Variants in SGPP2 observed in about 807,000 individuals in gnomAD.
The protein encoded by SGPP2 is sphingosine-1-phosphate phosphatase 2.
In SGPP2, 30 loss-of-function variants were observed where a neutral mutation model predicts 33.9. That is an observed-to-expected ratio of 0.89 (90% CI 0.66 to 1.20). The LOEUF (loss-of-function observed/expected upper bound fraction) is 1.20, where lower values mean the gene tolerates loss of function less well. Ranked by LOEUF, SGPP2 falls within the 50% of genes most tolerant of loss-of-function variation. The probability of loss-of-function intolerance (pLI) is 0.00; values close to 1 mark genes in which losing one functional copy is unlikely to be tolerated. For synonymous variants in SGPP2, 233 were observed against 225.0 expected, an observed-to-expected ratio of 1.04 and a Z score of -0.32; for missense variants, 458 against 532.1, an observed-to-expected ratio of 0.86 and a Z score of 1.37.
intron 2 of SGPP2, among the ~76,000 whole-genome samples, chr2:222,474,988 TC>T (rs1173788285): frequency 2.0e-5 from 3 of 152,168 alleles, no homozygotes; most frequent in Admixed American, 2.0e-4. Flanking sequence ...TTTGCAGAAT[TC>T]AGGACTCTCC....
chr2:222,556,221 C>T (rs565933513), intron 4 of SGPP2, among the ~76,000 whole-genome samples: 19 of 152,152 alleles, frequency 1.2e-4, no homozygotes, highest in African/African-American at 4.6e-4. Context: ...TTTTGGTAAC[C>T]AAGAAGCCTA....
chr2:222,436,831 A>G (rs1048766434), intron 1 of SGPP2, among the ~76,000 whole-genome samples: 3 of 152,144 alleles, frequency 2.0e-5, no homozygotes, highest in African/African-American at 7.2e-5. Flanking sequence ...TAGCCGGCTG[A>G]TCACCCAACG....
At chr2:222,483,423 G>A (rs10173467) in intron 2 of SGPP2, among the ~76,000 whole-genome samples, 9,362 of 152,072 alleles carry the variant, frequency 0.062, 381 homozygotes, top group East Asian at 0.15. Context: ...ATGTTAAAGA[G>A]CTCAAGTTTA....
intron 1 of SGPP2, chr2:222,452,493 G>A (rs12613007): frequency 0.31 from 272,501 of 870,974 alleles, 45,515 homozygotes; most frequent in Admixed American, 0.53. Context: ...GCTTTATTAC[G>A]TTATGGCTTT....
intron 4 of SGPP2, among the ~76,000 whole-genome samples, chr2:222,534,195 A>T (rs527743288): frequency 6.6e-6 from 1 of 152,220 alleles, no homozygotes; most frequent in African/African-American, 2.4e-5. Context: ...TCATCATACT[A>T]TATTTATGAT....
At chr2:222,486,494 A>G (rs1310425682) in intron 2 of SGPP2, among the ~76,000 whole-genome samples, 1 of 152,238 alleles carries the variant, frequency 6.6e-6, no homozygotes, top group Non-Finnish European at 1.5e-5. Flanking sequence ...CATGAGCCAC[A>G]TGTGGCTGTG....
At chr2:222,444,681 A>C (rs1697373777) in intron 1 of SGPP2, among the ~76,000 whole-genome samples, 1 of 152,192 alleles carries the variant, frequency 6.6e-6, no homozygotes, top group African/African-American at 2.4e-5. Context: ...CCATAAGAAA[A>C]CACCAAACCA....
In SGPP2 at chr2:222,477,089, GTGAA is replaced by G. The variant is rs936398535; in HGVS notation, c.378+2366_378+2369del. ...TGTGTTTATAGATATGTATATATTT[GTGAA>G]TGTATGTATATAGGTGTGTATATAT... On this transcript the variant is annotated intron_variant, in intron 2 of 4. Coordinates refer to ENST00000321276, the MANE Select transcript of SGPP2 (RefSeq NM_152386.4). The surrounding 1 kb of genome is among the most constrained non-coding windows in gnomAD (Gnocchi z 6.0). Among the ~76,000 whole-genome samples, 7 of 147,428 alleles carry G rather than the reference GTGAA, an allele frequency of 4.7e-5. No homozygotes were observed. Among genetic ancestry groups the G allele is most frequent in the African/African-American group, 1.6e-4 (6 of 37,524 alleles).
At chr2:222,536,151 A>T (rs979821613) in intron 4 of SGPP2, among the ~76,000 whole-genome samples, 1 of 152,046 alleles carries the variant, frequency 6.6e-6, no homozygotes, top group African/African-American at 2.4e-5. Flanking sequence ...TGCCTTTTGG[A>T]TTATATAGTG....
At position 222,558,370 on chromosome 2, in the gene SGPP2, C is replaced by G. The variant is rs1406207034; in HGVS notation, c.672C>G (p.Ile224Met). Residue 224 changes from isoleucine to methionine, a missense_variant, in exon 5 of 5, where the codon ATC becomes ATG. Physicochemically the swap from Ile to Met is conservative, Grantham distance 10. Transcript: ENST00000321276. The stretch of plus-strand genomic sequence containing the variant: ...AGGATGTGCTGGGTGGCGTCCTGAT[C>G]ACCGCACTCCTCATCGTCCTCACCT... ...TVLDVLGGVL[I>M]TALLIVLTYP... 2 of 1,614,016 alleles carry G rather than the reference C, an allele frequency of 1.2e-6. No homozygotes were observed. Among genetic ancestry groups the G allele is most frequent in the African/African-American group, 1.3e-5 (1 of 74,912 alleles).
Position 222,558,565 on chromosome 2 carries a change from A to G in SGPP2, c.867A>G (p.Ile289Met), listed in dbSNP as rs752447677. Reference sequence around the variant, plus strand: ...TGGCTGCCGGGGCTGGAGTGACCATAGGATTCTGGATCAACCATTTCTTCC... The same window carrying G: ...TGGCTGCCGGGGCTGGAGTGACCATGGGATTCTGGATCAACCATTTCTTCC... ...TILAAGAGVT[I>M]GFWINHFFQL... The change falls in exon 5 of 5, where the codon ATA becomes ATG. Residue 289 changes from isoleucine (I) to methionine (M), a missense_variant. Physicochemically the swap from Ile to Met is conservative, Grantham distance 10. Coordinates refer to ENST00000321276, the MANE Select transcript of SGPP2 (RefSeq NM_152386.4). 3.7e-5 allele frequency: 59 copies of G among 1,614,086 alleles called. No homozygotes were observed. Among genetic ancestry groups the G allele is most frequent in the Non-Finnish European group, 4.7e-5 (56 of 1,180,036 alleles).
intron 2 of SGPP2, among the ~76,000 whole-genome samples, chr2:222,521,192 T>G (rs1698680507): frequency 6.6e-6 from 1 of 152,280 alleles, no homozygotes; most frequent in Admixed American, 6.5e-5. Flanking sequence ...TCTTACTAGC[T>G]GTTCGAGTAA....
At chr2:222,512,115 C>T (rs1480198841) in intron 2 of SGPP2, among the ~76,000 whole-genome samples, 4 of 152,000 alleles carry the variant, frequency 2.6e-5, no homozygotes, top group South Asian at 2.1e-4. Context: ...CCCGGGTTCA[C>T]GCCATTCTGC....
chr2:222,487,954 G>A (rs1172864840), intron 2 of SGPP2, among the ~76,000 whole-genome samples: 4 of 152,134 alleles, frequency 2.6e-5, no homozygotes, highest in Non-Finnish European at 5.9e-5. Flanking sequence ...GACAGGAGTG[G>A]GGCTCAGATG....
At chr2:222,432,864 A>T (rs1194624596) in intron 1 of SGPP2, among the ~76,000 whole-genome samples, 1 of 152,158 alleles carries the variant, frequency 6.6e-6, no homozygotes, top group African/African-American at 2.4e-5. Flanking sequence ...TCTACTAAAA[A>T]TACAAAATTA....
rs1689520238 is a variant in SGPP2, at chr2:222,560,640, A to C, written c.*1742A>C. The stretch of plus-strand genomic sequence containing the variant: ...GTAGGACTGAGCCAGTGCTTTATCA[A>C]CCCAACACATCATCACCATGTGCAT... On this transcript the variant is annotated 3_prime_UTR_variant, in exon 5 of 5. Transcript: ENST00000321276. The C allele has an allele frequency of 6.6e-6, 1 of 152,162 alleles. No homozygotes were observed. The highest frequency in any genetic ancestry group is 2.4e-5 in the African/African-American group (1 of 41,408). 9.4% of individuals were successfully genotyped at this position (152,162 alleles called of 1,614,324 possible).
chr2:222,447,194 G>T lies in SGPP2; in HGVS notation c.219+22373G>T, dbSNP rs567925988. Among the ~76,000 whole-genome samples, 4 of 152,298 alleles carry T rather than the reference G, an allele frequency of 2.6e-5. No homozygotes were observed. The South Asian group carries it at 8.3e-4, about 32-fold the overall frequency. ...CTAGGAACAAGGTGGAGTAGTGATG[G>T]CTGCTTGTATCCTTTTTATAAAGAA... On this transcript the variant is annotated intron_variant, in intron 1 of 4. Coordinates refer to ENST00000321276, the MANE Select transcript of SGPP2 (RefSeq NM_152386.4).
intron 1 of SGPP2, among the ~76,000 whole-genome samples, chr2:222,426,729 G>T (rs3923082): frequency 6.6e-5 from 10 of 152,162 alleles, no homozygotes; most frequent in Admixed American, 6.5e-5. Flanking sequence ...TAAATGAAAG[G>T]TTAATTAATG....
intron 1 of SGPP2, among the ~76,000 whole-genome samples, chr2:222,466,605 G>A (rs190416612): frequency 6.6e-6 from 1 of 152,190 alleles, no homozygotes; most frequent in East Asian, 1.9e-4. Flanking sequence ...CCCTGCAAAG[G>A]CCTGAGAAAC....
Sources: gnomAD v4.1 joint callset for allele counts (sites outside exome capture counted in the v4.1 genomes callset) on GRCh38, gnomAD v4.1.1 for gene constraint, Gnocchi (gnomAD v3.1) non-coding constraint, MANE v1.5 for transcripts, NCBI Gene and HGNC (gene_info 2026-07-23, HGNC 2026-07-21) for gene names.